The following CAB39L variants were observed in gnomAD, a reference collection of about 807,000 sequenced individuals.
CAB39L encodes the protein calcium binding protein 39 like.
A neutral mutation model predicts 39.1 loss-of-function variants in CAB39L; 23 were observed. That is an observed-to-expected ratio of 0.59 (90% confidence interval 0.42 to 0.83). CAB39L has a LOEUF of 0.83. Ranked by LOEUF, CAB39L falls within the 40% of genes least tolerant of loss-of-function variation. The probability of loss-of-function intolerance (pLI) is 0.00; values close to 1 mark genes in which losing one functional copy is unlikely to be tolerated. For missense variants in CAB39L, 366 were observed against 391.9 expected, an observed-to-expected ratio of 0.93 and a Z score of 0.56; for synonymous variants, 126 against 137.2, an observed-to-expected ratio of 0.92 and a Z score of 0.57.
chr13:49,405,147 G>A (rs979158306), intron 3 of CAB39L, among the ~76,000 whole-genome samples: 2 of 151,840 alleles, frequency 1.3e-5, no homozygotes, highest in African/African-American at 4.8e-5. Flanking sequence ...AACAATGAAA[G>A]GTCAAGGATA....
At chr13:49,358,436 T>G (rs1365962168) in intron 6 of CAB39L, among the ~76,000 whole-genome samples, 1 of 152,140 alleles carries the variant, frequency 6.6e-6, no homozygotes, top group Non-Finnish European at 1.5e-5. Context: ...TGCTTAAAAT[T>G]GATAAGTGAA....
intron 3 of CAB39L, among the ~76,000 whole-genome samples, chr13:49,398,763 G>A (rs1956695989): frequency 1.3e-5 from 2 of 151,988 alleles, no homozygotes; most frequent in Admixed American, 1.3e-4. Context: ...AACTTGGATA[G>A]ACCCAAGACA....
chr13:49,427,692 A>G (rs915175769), intron 3 of CAB39L, among the ~76,000 whole-genome samples: 9 of 152,200 alleles, frequency 5.9e-5, no homozygotes, highest in Non-Finnish European at 1.2e-4. Context: ...CTAGCTCAAA[A>G]AAAAATTGTT....
At chr13:49,315,443 T>C (rs932503714) in intron 10 of CAB39L, among the ~76,000 whole-genome samples, 10 of 151,970 alleles carry the variant, frequency 6.6e-5, no homozygotes, top group African/African-American at 2.2e-4. Flanking sequence ...TAGGCTCCTC[T>C]GAAACAACCA....
Position 49,359,766 on chromosome 13 carries a change from T to C in CAB39L, c.343A>G (p.Thr115Ala), listed in dbSNP as rs1490555834. The change falls in exon 6 of 11, where the codon ACT (threonine) becomes GCT (alanine). Residue 115 changes from threonine to alanine, a missense_variant. By Grantham distance (58) the Thr-to-Ala change is moderately conservative. Coordinates refer to ENST00000409308, the MANE Select transcript of CAB39L (RefSeq NM_001079670.3). Reference sequence around the variant, plus strand: ...GGATGAGCACTAATATACTCCACAGTAGGACTCCGAGTGCCTATCTGTCTT... The same window carrying C: ...GGATGAGCACTAATATACTCCACAGCAGGACTCCGAGTGCCTATCTGTCTT... ...LRRQIGTRSP[T>A]VEYISAHPHI... 1 of 1,613,112 alleles carries C rather than the reference T, an allele frequency of 6.2e-7. No homozygotes were observed. Among genetic ancestry groups the C allele is most frequent in the Admixed American group, 1.7e-5 (1 of 59,996 alleles).
chr13:49,376,750 T>A (rs186097463), intron 5 of CAB39L, among the ~76,000 whole-genome samples: 42 of 152,368 alleles, frequency 2.8e-4, no homozygotes, highest in Admixed American at 2.7e-3. Flanking sequence ...TATTAACCGT[T>A]ATCTTTGCTA....
chr13:49,402,104 T>C (rs1386748990), intron 3 of CAB39L, among the ~76,000 whole-genome samples: 1 of 152,166 alleles, frequency 6.6e-6, no homozygotes, highest in Non-Finnish European at 1.5e-5. Flanking sequence ...AGCAGTTTAA[T>C]CATGTATGTG....
intron 3 of CAB39L, among the ~76,000 whole-genome samples, chr13:49,405,594 GCA>G (rs1956853233): frequency 6.6e-6 from 1 of 151,926 alleles, no homozygotes. Flanking sequence ...GAATAACATA[GCA>G]AGACCTCATC....
rs1297395632 is a variant in CAB39L at position 49,379,058 on chromosome 13, C to G, written c.112-1927G>C. Among the ~76,000 whole-genome samples the G allele has an allele frequency of 8.8e-5, 5 of 56,548 alleles. 1 individual carries two copies. The highest frequency in any genetic ancestry group is 2.5e-4 in the African/African-American group (2 of 7,948). 37.1% of individuals were successfully genotyped at this position (56,548 alleles called of 152,430 possible). Reference sequence around the variant, plus strand: ...CCCCCGCCCGGCCAGCTGCCCCGTCCGAGAGGGAGGTGGGGGGGGTCAGCC... The same window carrying G: ...CCCCCGCCCGGCCAGCTGCCCCGTCGGAGAGGGAGGTGGGGGGGGTCAGCC... On this transcript the variant is annotated intron_variant, in intron 4 of 10. Coordinates refer to ENST00000409308, the MANE Select transcript of CAB39L (RefSeq NM_001079670.3).
chr13:49,438,276 T>C (rs1312829985), intron 1 of CAB39L, among the ~76,000 whole-genome samples: 3 of 152,212 alleles, frequency 2.0e-5, no homozygotes, highest in East Asian at 1.9e-4. Context: ...CCCTCCTCTT[T>C]TCCTCCCATT....
Position 49,382,807 on chromosome 13 carries a change from G to C in CAB39L, c.104C>G (p.Thr35Arg), listed in dbSNP as rs1197073661. The C allele has an allele frequency of 6.3e-7, 1 of 1,593,846 alleles. No homozygotes were observed. Among genetic ancestry groups the C allele is most frequent in the Non-Finnish European group, 8.6e-7 (1 of 1,163,430 alleles). The change falls in exon 4 of 11, where the codon ACA becomes AGA. Residue 35 changes from threonine (T) to arginine (R), a missense_variant. Physicochemically the swap from Thr to Arg is moderately conservative, Grantham distance 71. Coordinates refer to ENST00000409308, the MANE Select transcript of CAB39L (RefSeq NM_001079670.3). ...TACTGTTTTAGCTCTTACCTTGTCT[G>C]TCTTTTTGTCTTGCTTTTCCAAAAT... is the stretch of plus-strand genomic sequence containing the variant. ...LAILEKQDKK[T>R]DKASEEVSKS...
intron 3 of CAB39L, among the ~76,000 whole-genome samples, chr13:49,407,511 G>A (rs1956905413): frequency 6.6e-6 from 1 of 151,600 alleles, no homozygotes; most frequent in Non-Finnish European, 1.5e-5. Context: ...AAAAACAATG[G>A]CACAAAACCT....
intron 10 of CAB39L, among the ~76,000 whole-genome samples, chr13:49,331,248 G>A (rs979881998): frequency 1.3e-5 from 2 of 151,954 alleles, no homozygotes; most frequent in East Asian, 1.9e-4. Flanking sequence ...GGCGGATCAC[G>A]AGGTCAGGAG....
intron 10 of CAB39L, among the ~76,000 whole-genome samples, chr13:49,320,252 G>A (rs954607989): frequency 1.3e-5 from 2 of 152,084 alleles, no homozygotes; most frequent in Non-Finnish European, 2.9e-5. Context: ...AATTTTTTTG[G>A]TTGTCTTTGT....
chr13:49,377,139 C>T lies in CAB39L; in HGVS notation c.112-8G>A, dbSNP rs1312825814. ...AGACACTTCTTCTGAAGCCTAGTGA[C>T]CAAAACGTATGCTAACGGTTAAAAG... On this transcript the variant is annotated splice_region_variant and splice_polypyrimidine_tract_variant and intron_variant, in intron 4 of 10. Transcript: ENST00000409308. 1 of 1,610,408 alleles carries T rather than the reference C, an allele frequency of 6.2e-7. No individual in the cohort carries two copies. Among genetic ancestry groups the T allele is most frequent in the Admixed American group, 1.7e-5 (1 of 59,662 alleles).
chr13:49,377,200 T>A, intron 4 of CAB39L, 69 bp from the exon 5 acceptor site: 4 of 1,364,554 alleles, frequency 2.9e-6, no homozygotes, highest in South Asian at 2.7e-5. Context: ...AACAAACAAA[T>A]AATCCAAAAA....
intron 3 of CAB39L, among the ~76,000 whole-genome samples, chr13:49,410,720 T>C (rs1424016013): frequency 6.6e-6 from 1 of 152,212 alleles, no homozygotes; most frequent in Non-Finnish European, 1.5e-5. Context: ...GTACTTCACA[T>C]GACAATTTTC....
At chr13:49,317,840 A>G (rs1954206709) in intron 10 of CAB39L, among the ~76,000 whole-genome samples, 1 of 152,210 alleles carries the variant, frequency 6.6e-6, no homozygotes, top group Non-Finnish European at 1.5e-5. Context: ...ACAGAACGGG[A>G]GAAAATATTT....
chr13:49,440,573 G>A (rs1957494867), intron 1 of CAB39L, among the ~76,000 whole-genome samples: 1 of 151,796 alleles, frequency 6.6e-6, no homozygotes, highest in Non-Finnish European at 1.5e-5. Flanking sequence ...GGGCAGTATG[G>A]CGATTCTAAT....
Sources: allele counts gnomAD v4.1 joint callset (sites outside exome capture counted in the v4.1 genomes callset), GRCh38; gene constraint gnomAD v4.1.1; transcripts MANE v1.5; gene names NCBI Gene and HGNC (gene_info 2026-07-23, HGNC 2026-07-21).